RABEP1: variants seen among roughly 807,000 people sequenced by gnomAD.
The protein encoded by RABEP1 is rabaptin, RAB GTPase binding effector protein 1, also known as rab GTPase-binding effector protein 1.
RABEP1 carries 51 observed loss-of-function variants against 123.4 expected under a neutral mutation model. The observed-to-expected ratio is 0.41, with a 90% CI of 0.33 to 0.52. The LOEUF is 0.52. RABEP1 is among the 20% of genes least tolerant of loss of function. The pLI, the probability that RABEP1 is intolerant of heterozygous loss-of-function variation, is 0.16. For synonymous variants in RABEP1, 347 were observed against 355.2 expected, an observed-to-expected ratio of 0.98 and a Z score of 0.26; for missense variants, 888 against 996.3, an observed-to-expected ratio of 0.89 and a Z score of 1.46.
At chr17:5,302,776 C>T (rs984277339) in intron 1 of RABEP1, among the ~76,000 whole-genome samples, 15 of 152,076 alleles carry the variant, frequency 9.9e-5, no homozygotes, top group African/African-American at 3.6e-4. Context: ...AGTCCTCCCA[C>T]CTTGGCCTCC....
At chr17:5,294,838 G>A (rs1311505121) in intron 1 of RABEP1, among the ~76,000 whole-genome samples, 1 of 150,960 alleles carries the variant, frequency 6.6e-6, no homozygotes, top group East Asian at 2.0e-4. Flanking sequence ...AGTAGAGACA[G>A]GGTTTCATCA....
rs1290068337 is a variant in RABEP1, at chr17:5,322,846, G to A, written c.164-9103G>A. Among the ~76,000 whole-genome samples, 9 of 152,248 alleles carry A rather than the reference G, an allele frequency of 5.9e-5. No individual in the cohort carries two copies. In the South Asian group the frequency reaches 8.3e-4, roughly 14 times the overall value. ...TCCCAACACTTTGGGAGGCCGAGGC[G>A]GGTGGATCACTTGAGGCCAGGAGTT... On this transcript the variant is annotated intron_variant, in intron 2 of 17. Coordinates refer to ENST00000537505, the MANE Select transcript of RABEP1 (RefSeq NM_004703.6).
At chr17:5,326,778 T>G (rs1333272751) in intron 2 of RABEP1, among the ~76,000 whole-genome samples, 2 of 152,074 alleles carry the variant, frequency 1.3e-5, no homozygotes. Context: ...TCAATTTTGC[T>G]GAGAACCTGA....
At chr17:5,320,180 G>A (rs2075339288) in intron 2 of RABEP1, among the ~76,000 whole-genome samples, 1 of 151,850 alleles carries the variant, frequency 6.6e-6, no homozygotes, top group South Asian at 2.1e-4. Flanking sequence ...TTTGTCAACA[G>A]ACTTCTTAGT....
intron 1 of RABEP1, among the ~76,000 whole-genome samples, chr17:5,292,584 A>G (rs556851505): frequency 1.3e-5 from 2 of 152,164 alleles, no homozygotes; most frequent in African/African-American, 4.8e-5. Flanking sequence ...GGGTTTCACC[A>G]TGTTGATCAG....
chr17:5,373,316 G>C lies in RABEP1; in HGVS notation c.1887G>C (p.Ala629=). 1.2e-6 allele frequency: 2 copies of C among 1,611,518 alleles called. No homozygotes were observed. Among genetic ancestry groups the C allele is most frequent in the East Asian group, 2.2e-5 (1 of 44,792 alleles). The stretch of plus-strand genomic sequence containing the variant: ...ATTAGTATCTACTTCTATTTTAGGC[G>C]GTGCTGATGCAGTCACGGGAACAGG... The part of the protein sequence containing the change: ...QAKRDVQEQM[A]VLMQSREQVS... The change falls in exon 13 of 18, where the codon GCG becomes GCC. Residue 629 remains alanine (A), a splice_region_variant and synonymous_variant. Transcript: ENST00000537505.
At chr17:5,336,152 G>A (rs761269837) in intron 4 of RABEP1, among the ~76,000 whole-genome samples, 2 of 152,054 alleles carry the variant, frequency 1.3e-5, no homozygotes, top group Non-Finnish European at 2.9e-5. Context: ...AAATCACATT[G>A]TATAAAATAA....
At chr17:5,320,735 T>A (rs1261538819) in intron 2 of RABEP1, among the ~76,000 whole-genome samples, 1 of 152,200 alleles carries the variant, frequency 6.6e-6, no homozygotes, top group East Asian at 1.9e-4. Flanking sequence ...AGATGTTTTT[T>A]GTAAGCCTTG....
At chr17:5,301,438 T>C (rs1271471489) in intron 1 of RABEP1, among the ~76,000 whole-genome samples, 1 of 152,152 alleles carries the variant, frequency 6.6e-6, no homozygotes, top group East Asian at 1.9e-4. Flanking sequence ...TGCAAAGGAT[T>C]GATAGACAGC....
At chr17:5,341,956 T>C (rs865918962) in intron 5 of RABEP1, among the ~76,000 whole-genome samples, 34 of 152,338 alleles carry the variant, frequency 2.2e-4, no homozygotes, top group African/African-American at 7.9e-4. Context: ...CCATTAATGG[T>C]GGGAACATTC....
intron 1 of RABEP1, among the ~76,000 whole-genome samples, chr17:5,302,637 A>G (rs1382151417): frequency 2.8e-5 from 3 of 105,616 alleles, no homozygotes; most frequent in African/African-American, 1.2e-4. Context: ...ATCTTGGCTT[A>G]CTGCAGCCTC....
At chr17:5,333,753 T>C (rs148403779) in intron 3 of RABEP1, among the ~76,000 whole-genome samples, 1 of 152,308 alleles carries the variant, frequency 6.6e-6, no homozygotes, top group African/African-American at 2.4e-5. Context: ...CTCAAACTCC[T>C]TCAGCCCTTC....
In RABEP1 at chr17:5,282,321, T is replaced by C. The variant is rs1257580511; in HGVS notation, c.-166T>C. ...AGGCGGAGGTCGGCGGTCGGGTCCG[T>C]CTCTGCCCGCGGCTGTGGCGGCGCC... On this transcript the variant is annotated 5_prime_UTR_variant, in exon 1 of 18. Transcript: ENST00000537505. 6.4e-6 allele frequency: 3 copies of C among 469,114 alleles called. No individual in the cohort carries two copies. Among genetic ancestry groups the C allele is most frequent in the Non-Finnish European group, 1.0e-5 (3 of 287,656 alleles). 29.1% of individuals were successfully genotyped at this position (469,114 alleles called of 1,614,324 possible). A position where few individuals can be genotyped will look rare whatever the true frequency, so the allele number is the denominator to read the frequency against.
intron 1 of RABEP1, among the ~76,000 whole-genome samples, chr17:5,299,183 T>C (rs1169587084): frequency 6.6e-6 from 1 of 152,138 alleles, no homozygotes; most frequent in Non-Finnish European, 1.5e-5. Flanking sequence ...ACTGTCTCAT[T>C]TTTGGCCAGT....
intron 10 of RABEP1, 74 bp downstream of exon 10, chr17:5,363,090 T>G (rs1427538786): frequency 1.8e-6 from 2 of 1,091,522 alleles, no homozygotes; most frequent in Admixed American, 1.8e-5. Flanking sequence ...TGCCCCCCTC[T>G]CCGGCCCCAG....
chr17:5,380,325 G>A (rs762825646), intron 15 of RABEP1, 39 bp from the exon 16 acceptor site: 93 of 1,414,766 alleles, frequency 6.6e-5, no homozygotes, highest in Non-Finnish European at 8.9e-5. Flanking sequence ...GGGGCCCAGA[G>A]GGAGTTTCTG....
intron 9 of RABEP1, 165 bp downstream of exon 9, chr17:5,361,840 T>C (rs1254175471): frequency 6.5e-6 from 4 of 617,810 alleles, no homozygotes; most frequent in Non-Finnish European, 1.1e-5. Flanking sequence ...ATAGTCTGCC[T>C]TGGGTATTCC....
intron 6 of RABEP1, among the ~76,000 whole-genome samples, chr17:5,349,137 A>G (rs1193136725): frequency 6.6e-6 from 1 of 152,130 alleles, no homozygotes; most frequent in Non-Finnish European, 1.5e-5. Context: ...GGATTTTATA[A>G]TATGTGCCTT....
intron 10 of RABEP1, 45 bp downstream of exon 10, chr17:5,363,061 T>C (rs752292991): frequency 1.4e-6 from 2 of 1,436,704 alleles, no homozygotes; most frequent in Non-Finnish European, 2.0e-6. Flanking sequence ...GTCGTTTTCA[T>C]TGGAGGTGCA....
Sources: gnomAD v4.1 joint callset for allele counts (sites outside exome capture counted in the v4.1 genomes callset) on GRCh38, gnomAD v4.1.1 for gene constraint, MANE v1.5 for transcripts, NCBI Gene and HGNC (gene_info 2026-07-23, HGNC 2026-07-21) for gene names.